MYO10: variants seen among roughly 807,000 people sequenced by gnomAD.
MYO10 encodes unconventional myosin-X.
MYO10 carries 133 observed loss-of-function variants against 257.3 expected under a neutral mutation model. The observed-to-expected ratio is 0.52, with a 90% CI of 0.45 to 0.60. MYO10 has a LOEUF of 0.60. MYO10 is among the 20% of genes least tolerant of loss of function. The pLI is 0.00. For synonymous variants in MYO10, 1,104 were observed against 1,028.6 expected, an observed-to-expected ratio of 1.07 and a Z score of -1.40; for missense variants, 2,399 against 2,635.7, an observed-to-expected ratio of 0.91 and a Z score of 1.97.
intron 19 of MYO10, among the ~76,000 whole-genome samples, chr5:16,730,862 G>A (rs1167971152): frequency 2.6e-5 from 4 of 152,120 alleles, no homozygotes; most frequent in Admixed American, 6.5e-5. Flanking sequence ...AGGATGGAAG[G>A]TGGGGTGGCT....
intron 21 of MYO10, among the ~76,000 whole-genome samples, chr5:16,710,209 C>T (rs2126573997): frequency 6.6e-6 from 1 of 152,294 alleles, no homozygotes; most frequent in South Asian, 2.1e-4. Flanking sequence ...AGTCACATTG[C>T]TGTCTTTCCC....
At chr5:16,683,814 GCA>G in intron 30 of MYO10, 64 bp downstream of exon 30, 6 of 1,522,602 alleles carry the variant, frequency 3.9e-6, no homozygotes, top group Non-Finnish European at 5.4e-6. Context: ...TGACCCAGCA[GCA>G]CAGACACCTG....
At chr5:16,760,801 T>G (rs771278804) in intron 17 of MYO10, among the ~76,000 whole-genome samples, 21 of 152,034 alleles carry the variant, frequency 1.4e-4, no homozygotes, top group African/African-American at 2.4e-4. Context: ...ACTCGATGGC[T>G]CACTGGTTAC....
At chr5:16,875,716 A>G (rs2126760636) in intron 2 of MYO10, among the ~76,000 whole-genome samples, 1 of 152,364 alleles carries the variant, frequency 6.6e-6, no homozygotes, top group Non-Finnish European at 1.5e-5. Context: ...TCCACCAAGT[A>G]GACCGCCCCT....
chr5:16,759,283 G>A (rs1315614332), intron 17 of MYO10, among the ~76,000 whole-genome samples: 1 of 152,174 alleles, frequency 6.6e-6, no homozygotes, highest in Non-Finnish European at 1.5e-5. Context: ...TGGAGCTGGT[G>A]GGGTTGGTGG....
chr5:16,895,018 A>C (rs550223811), intron 1 of MYO10, among the ~76,000 whole-genome samples: 1 of 152,300 alleles, frequency 6.6e-6, no homozygotes, highest in East Asian at 1.9e-4. Flanking sequence ...GCACAAGAAA[A>C]AACAGTCTCA....
chr5:16,878,900 G>C (rs1174902426), intron 1 of MYO10, among the ~76,000 whole-genome samples: 3 of 151,522 alleles, frequency 2.0e-5, no homozygotes, highest in Admixed American at 6.6e-5. Context: ...TCGGGTGATG[G>C]GTGCGCCAGA....
chr5:16,730,806 A>C (rs556089593), intron 19 of MYO10, among the ~76,000 whole-genome samples: 31 of 152,172 alleles, frequency 2.0e-4, no homozygotes, highest in Middle Eastern at 3.2e-3. Flanking sequence ...CAAAATATAG[A>C]GAGGATCTGA....
chr5:16,681,877 C>T lies in MYO10; in HGVS notation c.4183G>A (p.Val1395Met), dbSNP rs180896948. ...DTRVEGQEFI[V>M]RGWLHKEVKN... ...AAGCAGGGCAGGCAGTCACCTCTCACGATGAATTCCTGGCCCTCCACTCTG... is the reference window on the plus strand; with the variant it reads ...AAGCAGGGCAGGCAGTCACCTCTCATGATGAATTCCTGGCCCTCCACTCTG... The change falls in exon 31 of 41, where the codon GTG becomes ATG. Residue 1395 changes from valine to methionine, a missense_variant. Around this residue, in one of 3 missense-constraint regions of MYO10, gnomAD observed 1,820 missense variants for 1,939.4 expected, o/e 0.94. Transcript: ENST00000513610. The T allele has an allele frequency of 7.0e-4, 1,134 of 1,613,770 alleles. 2 individuals are homozygous for T. Among genetic ancestry groups the T allele is most frequent in the Non-Finnish European group, 8.9e-4 (1,052 of 1,179,768 alleles).
chr5:16,814,328 T>G (rs1353568960), intron 3 of MYO10, among the ~76,000 whole-genome samples: 1 of 151,954 alleles, frequency 6.6e-6, no homozygotes, highest in African/African-American at 2.4e-5. Context: ...ACTTTTTTTT[T>G]TAGTGGAGAC....
chr5:16,890,808 C>A (rs908629972), intron 1 of MYO10, among the ~76,000 whole-genome samples: 6 of 151,572 alleles, frequency 4.0e-5, no homozygotes, highest in African/African-American at 1.5e-4. Context: ...CCACTGCATT[C>A]CAGCCTGGGC....
intron 3 of MYO10, among the ~76,000 whole-genome samples, chr5:16,804,323 C>G (rs769390165): frequency 3.9e-5 from 6 of 152,204 alleles, no homozygotes; most frequent in Non-Finnish European, 5.9e-5. Flanking sequence ...TCTGAGATTT[C>G]CCTCGGGGTC....
At chr5:16,780,841 C>A in intron 6 of MYO10, 100 bp from the exon 7 acceptor site, 1 of 1,217,414 alleles carries the variant, frequency 8.2e-7, no homozygotes. Flanking sequence ...CAAATAATTA[C>A]AGTTCCCTGT....
At chr5:16,683,244 T>C (rs1172004921) in intron 30 of MYO10, among the ~76,000 whole-genome samples, 1 of 152,208 alleles carries the variant, frequency 6.6e-6, no homozygotes, top group African/African-American at 2.4e-5. Context: ...ATTCTTTCTC[T>C]GGTCCGTCCT....
intron 14 of MYO10, 139 bp downstream of exon 14, chr5:16,763,342 T>C: frequency 2.9e-6 from 2 of 698,590 alleles, no homozygotes; most frequent in Non-Finnish European, 2.5e-6. Flanking sequence ...TTTACATTTA[T>C]GTTTCCAAAT....
intron 2 of MYO10, among the ~76,000 whole-genome samples, chr5:16,858,677 G>A (rs1744030946): frequency 6.6e-6 from 1 of 152,164 alleles, no homozygotes; most frequent in Non-Finnish European, 1.5e-5. Flanking sequence ...GTAACACACA[G>A]GGCCGGGTGC....
intron 19 of MYO10, chr5:16,741,759 T>C: frequency 1.0e-6 from 1 of 969,200 alleles, no homozygotes; most frequent in Non-Finnish European, 1.2e-6. Flanking sequence ...TCATGGCAAG[T>C]TACATGAAAC....
At chr5:16,713,854 C>T (rs1738733400) in intron 19 of MYO10, among the ~76,000 whole-genome samples, 1 of 152,170 alleles carries the variant, frequency 6.6e-6, no homozygotes, top group African/African-American at 2.4e-5. Flanking sequence ...GCGCTGCCTC[C>T]ACTGGTAACT....
intron 1 of MYO10, among the ~76,000 whole-genome samples, chr5:16,907,912 G>A (rs1745558635): frequency 6.6e-6 from 1 of 152,114 alleles, no homozygotes; most frequent in Non-Finnish European, 1.5e-5. Flanking sequence ...TATTAAAAAA[G>A]CAAAACATTT....
Sources: allele counts gnomAD v4.1 joint callset (sites outside exome capture counted in the v4.1 genomes callset), GRCh38; gene constraint gnomAD v4.1.1; regional missense constraint gnomAD v4.1.1; transcripts MANE v1.5; gene names NCBI Gene and HGNC (gene_info 2026-07-23, HGNC 2026-07-21).